The following ABCB1 variants were observed in gnomAD, a reference collection of about 807,000 sequenced individuals.
ABCB1 encodes the protein ATP binding cassette subfamily B member 1.
Under a neutral mutation model 142.0 loss-of-function variants are expected in ABCB1, and 69 were observed. The ratio of observed to expected loss-of-function variants is 0.49; its 90% CI spans 0.40 to 0.59. The LOEUF (loss-of-function observed/expected upper bound fraction) is 0.59, where lower values mean the gene tolerates loss of function less well. Among genes scored for constraint, ABCB1 ranks in the 20% least tolerant of loss-of-function variants. ABCB1 has a pLI of 0.00. For synonymous variants in ABCB1, 532 were observed against 539.2 expected (o/e 0.99, Z 0.18); for missense variants, 1,326 against 1,554.7 (o/e 0.85, Z 2.47).
intron 21 of ABCB1, among the ~76,000 whole-genome samples, chr7:87,527,604 G>A (rs1815842681): frequency 6.6e-6 from 1 of 152,078 alleles, no homozygotes; most frequent in South Asian, 2.1e-4. Flanking sequence ...CTTGATATGG[G>A]TTCCCTGGTG....
rs754592414 is a variant in ABCB1, at chr7:87,585,705, C to T, written c.118-25G>A. 1 of 1,610,332 alleles carries T rather than the reference C, an allele frequency of 6.2e-7. No homozygotes were observed. The highest frequency in any genetic ancestry group is 8.5e-7 in the Non-Finnish European group (1 of 1,178,688). On this transcript the variant is annotated intron_variant, in intron 3 of 27. Coordinates refer to ENST00000622132, the MANE Select transcript of ABCB1 (RefSeq NM_001348946.2). ...ACTAAAAAGAGAGAAAAAAGAATAGCAGAGGAAAAATTAGTACAGTTTCAT... is the reference window on the plus strand; with the variant it reads ...ACTAAAAAGAGAGAAAAAAGAATAGTAGAGGAAAAATTAGTACAGTTTCAT...
At chr7:87,632,618 G>C (rs1821338820) in intron 1 of ABCB1, among the ~76,000 whole-genome samples, 1 of 152,044 alleles carries the variant, frequency 6.6e-6, no homozygotes, top group South Asian at 2.1e-4. Flanking sequence ...CTATCGTTTA[G>C]AACTTCAGAA....
At chr7:87,578,745 G>C (rs915180484) in intron 4 of ABCB1, among the ~76,000 whole-genome samples, 11 of 143,064 alleles carry the variant, frequency 7.7e-5, no homozygotes, top group Non-Finnish European at 1.5e-4. Context: ...CCAGGCTGGA[G>C]TGCAGTGGCG....
chr7:87,504,296 T>C lies in ABCB1; in HGVS notation c.3790A>G (p.Lys1264Glu). ...CTGACCATTGAAAAATAGATGCCTT[T>C]CTGTGCCAGCAGCTGCTGATGCGTG... Reference protein sequence around the residue: ...HGTHQQLLAQKGIYFSMVSVQ... With the variant: ...HGTHQQLLAQEGIYFSMVSVQ... The change falls in exon 28 of 28, where the codon AAA becomes GAA. Residue 1264 changes from lysine to glutamate, a missense_variant. Transcript: ENST00000622132. 1 of 1,614,108 alleles carries C rather than the reference T, an allele frequency of 6.2e-7. No individual in the cohort carries two copies. The highest frequency in any genetic ancestry group is 8.5e-7 in the Non-Finnish European group (1 of 1,180,028).
chr7:87,608,785 AACACTTAGTAT>A (rs1819749645), intron 1 of ABCB1, among the ~76,000 whole-genome samples: 1 of 152,224 alleles, frequency 6.6e-6, no homozygotes, highest in Non-Finnish European at 1.5e-5. Context: ...ATTTCTTTAG[AACACTTAGTAT>A]TATTTCACAG....
chr7:87,575,596 T>A (rs1020143116), intron 4 of ABCB1, among the ~76,000 whole-genome samples: 1 of 152,200 alleles, frequency 6.6e-6, no homozygotes, highest in Non-Finnish European at 1.5e-5. Flanking sequence ...ACTCTTCTTG[T>A]GCAGAAAGCT....
At chr7:87,601,909 T>C (rs1819470111), upstream of ABCB1, among the ~76,000 whole-genome samples, 1 of 152,256 alleles carries the variant, frequency 6.6e-6, no homozygotes, top group African/African-American at 2.4e-5. Flanking sequence ...GCCATAATTT[T>C]TTTCTATTCT....
intron 1 of ABCB1, among the ~76,000 whole-genome samples, chr7:87,630,242 G>A (rs886789935): frequency 1.3e-5 from 2 of 152,118 alleles, no homozygotes; most frequent in Non-Finnish European, 2.9e-5. Flanking sequence ...GTGGAATACA[G>A]ATAATTATTC....
At chr7:87,597,678 C>T (rs1283960877) in intron 2 of ABCB1, among the ~76,000 whole-genome samples, 4 of 152,064 alleles carry the variant, frequency 2.6e-5, no homozygotes, top group Admixed American at 2.0e-4. Context: ...AAGTGGAATA[C>T]CTACCCTCCA....
rs1563044327 is a variant in ABCB1, at chr7:87,544,888, A to G, written c.1999T>C (p.Ser667Pro). The G allele has an allele frequency of 6.2e-7, 1 of 1,614,116 alleles. No homozygotes were observed. Among genetic ancestry groups the G allele is most frequent in the East Asian group, 2.2e-5 (1 of 44,872 alleles). ...GATCCACGGACACTCCTACGAGTTG[A>G]TCTTTTTCTTATTAGACTGGATCTT... is the stretch of plus-strand genomic sequence containing the variant. ...DSRSSLIRKR[S>P]TRRSVRGSQA... is the part of the protein sequence containing the mutation. The change falls in exon 16 of 28, where the codon TCA becomes CCA. Residue 667 changes from serine (S) to proline (P), a missense_variant. Ser to Pro is a moderately conservative substitution (Grantham distance 74). Transcript: ENST00000622132.
At chr7:87,624,902 C>G (rs952783807) in intron 1 of ABCB1, among the ~76,000 whole-genome samples, 2 of 152,208 alleles carry the variant, frequency 1.3e-5, no homozygotes, top group Non-Finnish European at 2.9e-5. Flanking sequence ...TTGTTTATGG[C>G]AAAGTCTTGG....
chr7:87,533,564 C>A (rs1217976830), intron 20 of ABCB1, among the ~76,000 whole-genome samples: 1 of 152,204 alleles, frequency 6.6e-6, no homozygotes, highest in African/African-American at 2.4e-5. Flanking sequence ...TCAGACATTA[C>A]ACTGATTACT....
intron 21 of ABCB1, among the ~76,000 whole-genome samples, chr7:87,528,324 T>A (rs954791767): frequency 2.3e-4 from 35 of 152,324 alleles, no homozygotes; most frequent in African/African-American, 8.4e-4. Flanking sequence ...TAACTTTTTT[T>A]AATTATAGGT....
intron 20 of ABCB1, chr7:87,531,719 A>G: frequency 1.9e-6 from 1 of 539,794 alleles, no homozygotes; most frequent in Non-Finnish European, 3.3e-6. Flanking sequence ...GTTCAATTAC[A>G]TATTCCTATC....
intron 1 of ABCB1, among the ~76,000 whole-genome samples, chr7:87,640,333 T>C (rs1051716776): frequency 6.6e-6 from 1 of 151,892 alleles, no homozygotes; most frequent in African/African-American, 2.4e-5. Context: ...AAATTTTGGT[T>C]ATTATCTTCT....
chr7:87,506,423 C>G (rs1015156295), intron 26 of ABCB1, among the ~76,000 whole-genome samples: 3 of 152,150 alleles, frequency 2.0e-5, no homozygotes, highest in African/African-American at 7.2e-5. Flanking sequence ...GCTCATCTTA[C>G]TTGTAACCAG....
intron 21 of ABCB1, 82 bp downstream of exon 21, chr7:87,531,212 T>C (rs766076993): frequency 3.4e-4 from 401 of 1,163,848 alleles, no homozygotes; most frequent in Non-Finnish European, 4.6e-4. Flanking sequence ...TAGAGCATAG[T>C]AAGCAGTAGG....
At chr7:87,550,382 A>C in intron 11 of ABCB1, 86 bp from the exon 12 acceptor site, 3 of 1,606,808 alleles carry the variant, frequency 1.9e-6, no homozygotes, top group Non-Finnish European at 2.6e-6. Context: ...TTAAATATAC[A>C]TGCACTTTTT....
chr7:87,656,616 T>C (rs1563108348), intron 1 of ABCB1, among the ~76,000 whole-genome samples: 2 of 152,062 alleles, frequency 1.3e-5, no homozygotes, highest in Non-Finnish European at 2.9e-5. Flanking sequence ...AGAAAGACGT[T>C]AGAGGATACT....
Sources: gnomAD v4.1 joint callset for allele counts (sites outside exome capture counted in the v4.1 genomes callset) on GRCh38, gnomAD v4.1.1 for gene constraint, MANE v1.5 for transcripts, NCBI Gene and HGNC (gene_info 2026-07-23, HGNC 2026-07-21) for gene names.